The following KCNIP4 variants were observed in gnomAD, a reference collection of about 807,000 sequenced individuals.
KCNIP4 encodes the protein Kv channel-interacting protein 4.
KCNIP4 carries 12 observed loss-of-function variants against 34.0 expected under a neutral mutation model. The ratio of observed to expected loss-of-function variants is 0.35; its 90% confidence interval spans 0.23 to 0.57. The LOEUF (loss-of-function observed/expected upper bound fraction) is 0.57, where lower values mean the gene tolerates loss of function less well. KCNIP4 is among the 20% of genes least tolerant of loss of function. KCNIP4 has a pLI of 0.83. For synonymous variants in KCNIP4, 124 were observed against 102.2 expected (o/e 1.21, Z -1.29); for missense variants, 238 against 311.7 (o/e 0.76, Z 1.78).
intron 1 of KCNIP4, among the ~76,000 whole-genome samples, chr4:20,941,626 C>T (rs546441145): frequency 4.6e-5 from 7 of 152,256 alleles, no homozygotes; most frequent in African/African-American, 1.4e-4. Context: ...AATGCTACTG[C>T]TAATTAGACA....
chr4:21,022,003 CA>C (rs1225631672), intron 1 of KCNIP4, among the ~76,000 whole-genome samples: 1 of 151,928 alleles, frequency 6.6e-6, no homozygotes, highest in African/African-American at 2.4e-5. Flanking sequence ...AGACTGGCAG[CA>C]CAGTAGGTTT....
In KCNIP4 at chr4:21,068,190, C is replaced by T. The variant is rs1577631781; in HGVS notation, c.62-185481G>A. Among the ~76,000 whole-genome samples the T allele has an allele frequency of 2.0e-5, 3 of 152,086 alleles. No homozygotes were observed. In the East Asian group the frequency reaches 5.8e-4, roughly 29 times the overall value. On this transcript the variant is annotated intron_variant, in intron 1 of 8. Coordinates refer to ENST00000382152, the MANE Select transcript of KCNIP4 (RefSeq NM_025221.6). Reference sequence around the variant, plus strand: ...AACATGGCTTCCTGTTTTCTGTACCCAATTTCTTTCCCTTTTTCTGGTACC... The same window carrying T: ...AACATGGCTTCCTGTTTTCTGTACCTAATTTCTTTCCCTTTTTCTGGTACC...
chr4:21,896,913 C>T (rs958354238), intron 1 of KCNIP4, among the ~76,000 whole-genome samples: 8 of 146,208 alleles, frequency 5.5e-5, no homozygotes, highest in African/African-American at 1.2e-4. Flanking sequence ...AGTAAACTCT[C>T]AAAAAAATAC....
chr4:20,769,007 G>T (rs1213523218), intron 3 of KCNIP4, among the ~76,000 whole-genome samples: 4 of 149,062 alleles, frequency 2.7e-5, no homozygotes, highest in South Asian at 2.1e-4. Flanking sequence ...CTAGGCAAAG[G>T]TTCTCTCCCC....
intron 1 of KCNIP4, among the ~76,000 whole-genome samples, chr4:21,650,217 T>C (rs1747372550): frequency 6.6e-6 from 1 of 152,232 alleles, no homozygotes; most frequent in Admixed American, 6.5e-5. Flanking sequence ...TGGAAAACCC[T>C]TAATGCATGT....
At chr4:21,225,863 A>T (rs983786165) in intron 1 of KCNIP4, among the ~76,000 whole-genome samples, 3 of 152,188 alleles carry the variant, frequency 2.0e-5, no homozygotes, top group Non-Finnish European at 4.4e-5. Flanking sequence ...GCTTAATGCC[A>T]GGAAGGCCCA....
At chr4:20,863,255 T>C (rs1416758608) in intron 2 of KCNIP4, among the ~76,000 whole-genome samples, 1 of 151,988 alleles carries the variant, frequency 6.6e-6, no homozygotes, top group Non-Finnish European at 1.5e-5. Flanking sequence ...ATTCGTCAGT[T>C]TGGAGATGGA....
chr4:21,132,857 A>C (rs1227650587), intron 1 of KCNIP4, among the ~76,000 whole-genome samples: 2 of 52,196 alleles, frequency 3.8e-5, no homozygotes, highest in Non-Finnish European at 8.9e-5. Context: ...AAACGACAAA[A>C]AAAAAAAAAA....
intron 1 of KCNIP4, among the ~76,000 whole-genome samples, chr4:21,636,122 C>A (rs1208474471): frequency 8.2e-6 from 1 of 122,400 alleles, no homozygotes; most frequent in Non-Finnish European, 1.6e-5. Context: ...GGGAATATCA[C>A]ACTCTGGGGA....
chr4:20,914,767 T>C (rs931796431), intron 1 of KCNIP4, among the ~76,000 whole-genome samples: 5 of 152,116 alleles, frequency 3.3e-5, no homozygotes, highest in Admixed American at 2.6e-4. Context: ...CCAAACAGTA[T>C]AGAAATAAAC....
At chr4:21,118,678 G>A (rs571178165) in intron 1 of KCNIP4, among the ~76,000 whole-genome samples, 50 of 152,106 alleles carry the variant, frequency 3.3e-4, no homozygotes, top group African/African-American at 1.0e-3. Context: ...GTGGTGGTGC[G>A]GATGCTGTTT....
At chr4:20,778,583 G>A (rs1355103141) in intron 3 of KCNIP4, among the ~76,000 whole-genome samples, 1 of 152,170 alleles carries the variant, frequency 6.6e-6, no homozygotes, top group East Asian at 1.9e-4. Context: ...ACTACTGGGG[G>A]AAATGGTACC....
intron 3 of KCNIP4, among the ~76,000 whole-genome samples, chr4:20,800,709 T>A (rs1714118564): frequency 1.3e-5 from 2 of 152,096 alleles, no homozygotes. Context: ...TGAAGATAGG[T>A]CATTTGTGAC....
Position 21,076,975 on chromosome 4 carries a change from A to T in KCNIP4, c.62-194266T>A, listed in dbSNP as rs1049301624. Among the ~76,000 whole-genome samples, 6 of 152,066 alleles carry T rather than the reference A, an allele frequency of 3.9e-5. No homozygotes were observed. In the East Asian group the frequency reaches 7.7e-4, roughly 20 times the overall value. On this transcript the variant is annotated intron_variant, in intron 1 of 8. Transcript: ENST00000382152. Reference sequence around the variant, plus strand: ...CCATCTCTACTAAAAACACAAAAAAATTAGCTGGGCGTGATGGCATGAGCC... The same window carrying T: ...CCATCTCTACTAAAAACACAAAAAATTTAGCTGGGCGTGATGGCATGAGCC...
intron 1 of KCNIP4, among the ~76,000 whole-genome samples, chr4:21,657,841 AT>A (rs34034617): frequency 0.25 from 36,720 of 145,010 alleles, 4,284 homozygotes; most frequent in Non-Finnish European, 0.29. Flanking sequence ...TTTAAACATA[AT>A]TTTTTTTTTT....
At chr4:21,754,624 C>CTCT (rs1717382408) in intron 1 of KCNIP4, among the ~76,000 whole-genome samples, 1 of 152,164 alleles carries the variant, frequency 6.6e-6, no homozygotes, top group Non-Finnish European at 1.5e-5. Flanking sequence ...AAAGCCTGGC[C>CTCT]TCTTGATCAT....
intron 1 of KCNIP4, among the ~76,000 whole-genome samples, chr4:21,751,967 A>G (rs1383137897): frequency 2.0e-5 from 3 of 152,194 alleles, no homozygotes; most frequent in African/African-American, 7.2e-5. Flanking sequence ...TGCAGGTGGT[A>G]TAAACACCCT....
Position 21,548,837 on chromosome 4 carries a change from CA to C in KCNIP4, c.61+399733del, listed in dbSNP as rs200072514. 4.8e-3 allele frequency among the ~76,000 whole-genome samples: 728 copies of C among 152,110 alleles called. 10 individuals are homozygous for C. Among genetic ancestry groups the C allele is most frequent in the African/African-American group, 0.016 (684 of 41,520 alleles). On this transcript the variant is annotated intron_variant, in intron 1 of 8. Transcript: ENST00000382152. The stretch of plus-strand genomic sequence containing the variant: ...TCTCACCTATAAATTATAATTTAAG[CA>C]TTCTGTAAAAATTTAAATTCATACT...
chr4:21,684,021 T>C (rs1750617451), intron 1 of KCNIP4, among the ~76,000 whole-genome samples: 1 of 151,674 alleles, frequency 6.6e-6, no homozygotes, highest in Non-Finnish European at 1.5e-5. Context: ...AAATAACTAT[T>C]GGGTACTAGG....
Sources: allele counts gnomAD v4.1 joint callset (sites outside exome capture counted in the v4.1 genomes callset), GRCh38; gene constraint gnomAD v4.1.1; transcripts MANE v1.5; gene names NCBI Gene and HGNC (gene_info 2026-07-23, HGNC 2026-07-21).